The following MYO5A variants were observed in gnomAD, a reference collection of about 807,000 sequenced individuals.
MYO5A encodes unconventional myosin-Va.
MYO5A carries 98 observed loss-of-function variants against 249.7 expected under a neutral mutation model. That is an observed-to-expected ratio of 0.39 (90% CI 0.33 to 0.46). The LOEUF is 0.46. Ranked by LOEUF, MYO5A falls within the 20% of genes least tolerant of loss-of-function variation. MYO5A has a pLI of 0.98. For missense variants in MYO5A, 1,696 were observed against 2,308.8 expected (o/e 0.73, Z 5.44); for synonymous variants, 778 against 810.6 (o/e 0.96, Z 0.68).
chr15:52,348,372 G>A (rs545146292), intron 29 of MYO5A, among the ~76,000 whole-genome samples: 1 of 152,312 alleles, frequency 6.6e-6, no homozygotes, highest in East Asian at 1.9e-4. Context: ...TTCTAGCTGT[G>A]GACTCTACAC....
intron 1 of MYO5A, among the ~76,000 whole-genome samples, chr15:52,527,650 G>T (rs920586147): frequency 9.2e-5 from 14 of 152,196 alleles, no homozygotes; most frequent in Non-Finnish European, 1.9e-4. Context: ...TTAGGAAATC[G>T]AACCAGAGAT....
intron 4 of MYO5A, among the ~76,000 whole-genome samples, chr15:52,418,386 C>T (rs760597472): frequency 4.6e-5 from 7 of 152,064 alleles, no homozygotes; most frequent in Non-Finnish European, 1.0e-4. Context: ...GTGCTAATCA[C>T]TTTATGGAAA....
chr15:52,484,745 A>C (rs2076783110), intron 1 of MYO5A, among the ~76,000 whole-genome samples: 1 of 152,136 alleles, frequency 6.6e-6, no homozygotes, highest in African/African-American at 2.4e-5. Flanking sequence ...CCCAGGTTCA[A>C]GCAATTCTCC....
intron 40 of MYO5A, among the ~76,000 whole-genome samples, chr15:52,314,818 A>G (rs369420195): frequency 6.6e-6 from 1 of 152,202 alleles, no homozygotes; most frequent in Non-Finnish European, 1.5e-5. Flanking sequence ...CTCTTTTCTA[A>G]TGAAAATAAA....
At chr15:52,350,847 C>T (rs534240600) in intron 28 of MYO5A, among the ~76,000 whole-genome samples, 152 of 152,276 alleles carry the variant, frequency 1.0e-3, no homozygotes, top group Non-Finnish European at 1.7e-3. Context: ...CACTTCTAAC[C>T]GGTTCATCTG....
At chr15:52,483,663 T>C in intron 1 of MYO5A, among the ~76,000 whole-genome samples, 1 of 152,316 alleles carries the variant, frequency 6.6e-6, no homozygotes, top group African/African-American at 2.4e-5. Context: ...CTCCCCAACA[T>C]TCTATGGATT....
intron 11 of MYO5A, among the ~76,000 whole-genome samples, chr15:52,392,587 G>GACTCC (rs1218007093): frequency 6.6e-6 from 1 of 152,206 alleles, no homozygotes; most frequent in Non-Finnish European, 1.5e-5. Context: ...GATTATCTGT[G>GACTCC]ATAGTCATGG....
chr15:52,334,011 A>G (rs2140968623), intron 34 of MYO5A, among the ~76,000 whole-genome samples: 1 of 152,242 alleles, frequency 6.6e-6, no homozygotes, highest in South Asian at 2.1e-4. Flanking sequence ...TCAAAATGTA[A>G]CTCTTCTTAA....
At chr15:52,402,585 C>T (rs577364704) in intron 9 of MYO5A, among the ~76,000 whole-genome samples, 3 of 152,282 alleles carry the variant, frequency 2.0e-5, no homozygotes, top group Non-Finnish European at 4.4e-5. Context: ...TGGCTCATGC[C>T]TGTAATCCCA....
intron 32 of MYO5A, among the ~76,000 whole-genome samples, chr15:52,338,224 CTTTTT>C (rs561714948): frequency 3.9e-5 from 5 of 128,800 alleles, no homozygotes; most frequent in African/African-American, 8.5e-5. Flanking sequence ...ACTTGCTGCA[CTTTTT>C]TTTTTTTTTT....
intron 1 of MYO5A, among the ~76,000 whole-genome samples, chr15:52,458,297 C>T (rs933042004): frequency 7.2e-5 from 11 of 152,088 alleles, no homozygotes; most frequent in Non-Finnish European, 1.2e-4. Flanking sequence ...TAAATGTGGC[C>T]GGGCACAGTG....
intron 37 of MYO5A, 124 bp from the exon 38 acceptor site, chr15:52,321,633 T>C (rs2038317475): frequency 1.9e-6 from 2 of 1,027,550 alleles, no homozygotes; most frequent in South Asian, 1.3e-5. Context: ...TCCCCACTAA[T>C]GCCAGGACTG....
Position 52,328,003 on chromosome 15 carries a change from A to C in MYO5A, c.4559T>G (p.Leu1520Arg). ...QKLVKNLILE[L>R]KPRGVAVNLI... ...ATTGACTGCTACACCACGTGGCTTC[A>C]GTTCTAAAAAAGAAAAAATAATAAT... Residue 1520 changes from leucine (L) to arginine (R), a missense_variant, in exon 36 of 42, where the codon CTG becomes CGG. Physicochemically the swap from Leu to Arg is moderately radical, Grantham distance 102. This residue lies in a region of MYO5A where 625 missense variants were observed against 908.1 expected (regional missense o/e 0.69). Coordinates refer to ENST00000399233, the MANE Select transcript of MYO5A (RefSeq NM_001382347.1). 1 of 1,611,840 alleles carries C rather than the reference A, an allele frequency of 6.2e-7. No individual in the cohort carries two copies. The highest frequency in any genetic ancestry group is 8.5e-7 in the Non-Finnish European group (1 of 1,178,484).
chr15:52,436,747 G>C (rs2075672005), intron 1 of MYO5A, among the ~76,000 whole-genome samples: 1 of 152,186 alleles, frequency 6.6e-6, no homozygotes. Context: ...CAGAATAAAA[G>C]GCATCTCTTT....
chr15:52,364,802 A>G (rs2040732251), intron 23 of MYO5A, 100 bp from the exon 24 acceptor site: 1 of 1,381,768 alleles, frequency 7.2e-7, no homozygotes, highest in South Asian at 1.2e-5. Flanking sequence ...AGGCAATTTT[A>G]CTTTTAGTAT....
chr15:52,384,558 A>G (rs1461306865), intron 14 of MYO5A, among the ~76,000 whole-genome samples: 1 of 152,224 alleles, frequency 6.6e-6, no homozygotes, highest in Non-Finnish European at 1.5e-5. Context: ...GGGGAAAGCA[A>G]AGTCAAAACT....
intron 35 of MYO5A, among the ~76,000 whole-genome samples, chr15:52,328,789 A>G (rs1284919266): frequency 3.3e-5 from 5 of 152,294 alleles, no homozygotes; most frequent in Non-Finnish European, 7.4e-5. Context: ...TCCCCACTCC[A>G]GCTCACTCTG....
intron 40 of MYO5A, among the ~76,000 whole-genome samples, 166 bp downstream of exon 40, chr15:52,316,882 T>A (rs1380392190): frequency 6.6e-6 from 1 of 152,218 alleles, no homozygotes; most frequent in Non-Finnish European, 1.5e-5. Context: ...ATGTATTAAT[T>A]TCTGGCAAAA....
intron 6 of MYO5A, among the ~76,000 whole-genome samples, chr15:52,409,393 C>A (rs1297908538): frequency 2.0e-5 from 3 of 152,164 alleles, no homozygotes; most frequent in Non-Finnish European, 4.4e-5. Context: ...CATAGTAACA[C>A]TGTTCTGTAT....
Sources: allele counts gnomAD v4.1 joint callset (sites outside exome capture counted in the v4.1 genomes callset), GRCh38; gene constraint gnomAD v4.1.1; regional missense constraint gnomAD v4.1.1; transcripts MANE v1.5; gene names NCBI Gene and HGNC (gene_info 2026-07-23, HGNC 2026-07-21).